CTNNA2: variants seen among roughly 807,000 people sequenced by gnomAD.
The protein encoded by CTNNA2 is catenin alpha-2.
In CTNNA2, 42 loss-of-function variants were observed where a neutral mutation model predicts 101.0. The ratio of observed to expected loss-of-function variants is 0.42; its 90% confidence interval spans 0.32 to 0.54. The LOEUF is 0.54. Ranked by LOEUF, CTNNA2 falls within the 20% of genes least tolerant of loss-of-function variation. The pLI, the probability that CTNNA2 is intolerant of heterozygous loss-of-function variation, is 0.14. For synonymous variants in CTNNA2, 450 were observed against 456.4 expected, an observed-to-expected ratio of 0.99 and a Z score of 0.18; for missense variants, 871 against 1,223.1, an observed-to-expected ratio of 0.71 and a Z score of 4.29.
intron 1 of CTNNA2, among the ~76,000 whole-genome samples, chr2:79,613,035 G>C (rs150722100): frequency 6.6e-6 from 1 of 151,830 alleles, no homozygotes; most frequent in Non-Finnish European, 1.5e-5. Context: ...CCTCTCTTAC[G>C]AGTTGACTTC....
At chr2:79,235,020 A>C (rs529808840) in intron 2 of CTNNA2, among the ~76,000 whole-genome samples, 3 of 152,156 alleles carry the variant, frequency 2.0e-5, no homozygotes, top group African/African-American at 4.8e-5. Context: ...TTCTATGTCC[A>C]TCACTTCAGT....
chr2:80,242,049 A>C (rs1558934555), intron 7 of CTNNA2, among the ~76,000 whole-genome samples: 1 of 152,222 alleles, frequency 6.6e-6, no homozygotes, highest in Non-Finnish European at 1.5e-5. Context: ...GTGACAAAAG[A>C]AAAACAGTTG....
intron 1 of CTNNA2, among the ~76,000 whole-genome samples, chr2:79,523,691 T>C (rs1672244439): frequency 6.6e-6 from 1 of 152,214 alleles, no homozygotes; most frequent in African/African-American, 2.4e-5. Context: ...TTCCAATTGT[T>C]AGTACCTTCC....
intron 3 of CTNNA2, among the ~76,000 whole-genome samples, chr2:79,320,438 T>C (rs1676593414): frequency 7.2e-6 from 1 of 138,764 alleles, no homozygotes; most frequent in South Asian, 2.4e-4. Flanking sequence ...ATTGTACTTC[T>C]AACCAACCTA....
chr2:79,230,167 A>G (rs906550552), intron 2 of CTNNA2, among the ~76,000 whole-genome samples: 1 of 152,218 alleles, frequency 6.6e-6, no homozygotes, highest in African/African-American at 2.4e-5. Context: ...TTAATTCCCA[A>G]TACAATGGGG....
intron 7 of CTNNA2, among the ~76,000 whole-genome samples, chr2:80,100,255 G>C (rs998660454): frequency 5.9e-5 from 9 of 152,064 alleles, no homozygotes; most frequent in Non-Finnish European, 1.2e-4. Flanking sequence ...TTTTAAACAG[G>C]CTTTACTGAT....
At chr2:80,643,871 C>T (rs1205152630) in intron 18 of CTNNA2, among the ~76,000 whole-genome samples, 1 of 152,084 alleles carries the variant, frequency 6.6e-6, no homozygotes, top group Non-Finnish European at 1.5e-5. Flanking sequence ...TACCTGAGGC[C>T]AGAGGCTATA....
At chr2:79,429,880 T>A (rs1323344529) in intron 4 of CTNNA2, among the ~76,000 whole-genome samples, 1 of 152,168 alleles carries the variant, frequency 6.6e-6, no homozygotes, top group Non-Finnish European at 1.5e-5. Context: ...TTAATCATGT[T>A]CGTATGCCTT....
chr2:79,398,850 A>C (rs139803922), intron 4 of CTNNA2, among the ~76,000 whole-genome samples: 2 of 8,408 alleles, frequency 2.4e-4, no homozygotes, highest in Non-Finnish European at 4.6e-4. Flanking sequence ...GTGTTTAGTT[A>C]AAAAAAAAAA....
chr2:79,779,589 G>T (rs564135219), intron 3 of CTNNA2, among the ~76,000 whole-genome samples: 1 of 152,010 alleles, frequency 6.6e-6, no homozygotes, highest in East Asian at 1.9e-4. Context: ...TGTGAAACAT[G>T]GTCTCACTCC....
At chr2:79,647,775 C>G (rs1046320246) in intron 1 of CTNNA2, among the ~76,000 whole-genome samples, 1 of 152,180 alleles carries the variant, frequency 6.6e-6, no homozygotes, top group South Asian at 2.1e-4. Context: ...CATACAACAG[C>G]AGGCATTTAC....
chr2:80,583,603 T>A (rs1209389774), intron 14 of CTNNA2, among the ~76,000 whole-genome samples: 1 of 152,216 alleles, frequency 6.6e-6, no homozygotes, highest in Non-Finnish European at 1.5e-5. Flanking sequence ...TACAGCCTAG[T>A]ATCCACTGAC....
chr2:80,147,533 C>A (rs1202941409), intron 7 of CTNNA2, among the ~76,000 whole-genome samples: 1 of 152,214 alleles, frequency 6.6e-6, no homozygotes, highest in African/African-American at 2.4e-5. Flanking sequence ...TGAACTCCAA[C>A]AGGACTCCCT....
intron 7 of CTNNA2, among the ~76,000 whole-genome samples, chr2:79,972,390 G>A (rs520096): frequency 0.66 from 99,547 of 151,956 alleles, 33,289 homozygotes; most frequent in Non-Finnish European, 0.72. Flanking sequence ...GTATAAACAT[G>A]CTGCACATTG....
intron 7 of CTNNA2, among the ~76,000 whole-genome samples, chr2:79,942,274 G>A (rs2916480): frequency 0.21 from 32,104 of 152,066 alleles, 3,545 homozygotes; most frequent in Middle Eastern, 0.28. Flanking sequence ...AGGAAGCCGA[G>A]AACCAGGAAG....
intron 7 of CTNNA2, among the ~76,000 whole-genome samples, chr2:80,146,696 G>A (rs1217421292): frequency 2.1e-5 from 3 of 141,316 alleles, no homozygotes; most frequent in Non-Finnish European, 3.1e-5. Flanking sequence ...TTCTGAAGTA[G>A]GAAGTCCCCT....
At chr2:80,504,820 C>T (rs150025633) in intron 9 of CTNNA2, among the ~76,000 whole-genome samples, 1 of 152,300 alleles carries the variant, frequency 6.6e-6, no homozygotes, top group East Asian at 1.9e-4. Context: ...AAACACGTGG[C>T]CTGTGGCTCA....
At chr2:79,549,090 C>T (rs1279400601) in intron 1 of CTNNA2, among the ~76,000 whole-genome samples, 2 of 152,152 alleles carry the variant, frequency 1.3e-5, no homozygotes, top group Non-Finnish European at 2.9e-5. Context: ...GATTGTCCAT[C>T]CAAAAACAAA....
intron 2 of CTNNA2, among the ~76,000 whole-genome samples, chr2:79,285,469 G>T (rs1191751091): frequency 6.9e-6 from 1 of 145,088 alleles, no homozygotes; most frequent in Non-Finnish European, 1.5e-5. Flanking sequence ...GTTCACGTTG[G>T]TTTCAAAGAA....
Sources: allele counts gnomAD v4.1 joint callset (sites outside exome capture counted in the v4.1 genomes callset), GRCh38; gene constraint gnomAD v4.1.1; transcripts MANE v1.5; gene names NCBI Gene and HGNC (gene_info 2026-07-23, HGNC 2026-07-21).